Variants in USP24 observed in about 807,000 individuals in gnomAD.
USP24 encodes the protein ubiquitin carboxyl-terminal hydrolase 24.
Under a neutral mutation model 361.6 loss-of-function variants are expected in USP24, and 97 were observed. That is an observed-to-expected ratio of 0.27 (90% CI 0.23 to 0.32). The LOEUF (loss-of-function observed/expected upper bound fraction) is 0.32. Among genes scored for constraint, USP24 ranks in the 10% least tolerant of loss-of-function variants. The probability of loss-of-function intolerance (pLI) is 1.00; values close to 1 mark genes in which losing one functional copy is unlikely to be tolerated. For missense variants in USP24, 2,353 were observed against 3,165.6 expected, an observed-to-expected ratio of 0.74 and a Z score of 6.16; for synonymous variants, 1,098 against 1,124.6, an observed-to-expected ratio of 0.98 and a Z score of 0.47.
At chr1:55,124,409 A>G in intron 35 of USP24, 60 bp downstream of exon 35, 1 of 1,541,344 alleles carries the variant, frequency 6.5e-7, no homozygotes. Flanking sequence ...ACCTACACAC[A>G]GAATTCTTAT....
chr1:55,209,197 T>C (rs965259014), intron 1 of USP24, among the ~76,000 whole-genome samples: 1 of 152,236 alleles, frequency 6.6e-6, no homozygotes, highest in Non-Finnish European at 1.5e-5. Context: ...GTATCATGAC[T>C]GAAATGTCCT....
chr1:55,131,649 A>G (rs571800181), intron 31 of USP24, among the ~76,000 whole-genome samples: 39 of 152,318 alleles, frequency 2.6e-4, no homozygotes, highest in Non-Finnish European at 5.0e-4. Context: ...ACAAGCAACA[A>G]GTGGAGTGGG....
chr1:55,094,810 G>A (rs1288928884), intron 51 of USP24, among the ~76,000 whole-genome samples: 1 of 151,778 alleles, frequency 6.6e-6, no homozygotes, highest in African/African-American at 2.4e-5. Flanking sequence ...ACCAGCCTGG[G>A]CAACATTGGG....
intron 32 of USP24, among the ~76,000 whole-genome samples, chr1:55,126,895 T>C (rs774864418): frequency 1.3e-5 from 2 of 152,202 alleles, no homozygotes; most frequent in East Asian, 3.8e-4. Flanking sequence ...ATGGTATGCC[T>C]ACTTCTTTCT....
chr1:55,176,335 C>T, intron 3 of USP24, 41 bp downstream of exon 3: 1 of 1,528,846 alleles, frequency 6.5e-7, no homozygotes, highest in South Asian at 1.2e-5. Flanking sequence ...CTGCCCCCAC[C>T]CCGACACACA....
chr1:55,093,649 C>T, intron 52 of USP24: 2 of 273,156 alleles, frequency 7.3e-6, no homozygotes, highest in Non-Finnish European at 1.4e-5. Flanking sequence ...TTCTTTACTG[C>T]CCACTCCCCA....
intron 61 of USP24, 118 bp downstream of exon 61, chr1:55,078,420 G>A (rs1233702977): frequency 8.3e-6 from 5 of 601,480 alleles, no homozygotes; most frequent in Non-Finnish European, 1.3e-5. Context: ...ATACTAGAAT[G>A]ATTAGGAAAA....
intron 1 of USP24, among the ~76,000 whole-genome samples, chr1:55,181,723 C>G (rs1456875974): frequency 6.6e-6 from 1 of 152,142 alleles, no homozygotes; most frequent in Non-Finnish European, 1.5e-5. Flanking sequence ...AAAACTAGAG[C>G]CTCTTTGGTG....
chr1:55,153,030 TTAATAA>T (rs1339839615), intron 16 of USP24, among the ~76,000 whole-genome samples: 1 of 152,182 alleles, frequency 6.6e-6, no homozygotes, highest in Non-Finnish European at 1.5e-5. Flanking sequence ...TTTTCTTATG[TTAATAA>T]TAAAATGAAA....
Position 55,067,547 on chromosome 1 carries a change from A to AGAC in USP24, c.*1495_*1497dup, listed in dbSNP as rs923307469. On this transcript the variant is annotated 3_prime_UTR_variant, in exon 68 of 68. Coordinates refer to ENST00000294383, the MANE Select transcript of USP24 (RefSeq NM_015306.3). The stretch of plus-strand genomic sequence containing the variant: ...AAACCCTCACTGCCAGAGAATGAAA[A>AGAC]GACTGGGCCATGGCGAGAGCACAGT... 6.6e-6 allele frequency: 1 copy of AGAC among 152,252 alleles called. No homozygotes were observed. The highest frequency in any genetic ancestry group is 2.4e-5 in the African/African-American group (1 of 41,460). The allele number at this position is 152,252 out of a possible 1,614,324, so 9.4% of individuals were successfully genotyped here.
intron 64 of USP24, 170 bp from the exon 65 acceptor site, chr1:55,073,031 T>C (rs1418849179): frequency 3.2e-6 from 2 of 618,120 alleles, no homozygotes; most frequent in Non-Finnish European, 5.4e-6. Flanking sequence ...GAAATTACAA[T>C]TGCTTCCCCC....
intron 37 of USP24, among the ~76,000 whole-genome samples, 183 bp downstream of exon 37, chr1:55,121,253 A>G (rs1424407641): frequency 6.6e-6 from 1 of 152,212 alleles, no homozygotes; most frequent in Non-Finnish European, 1.5e-5. Context: ...TGGAGGAGGT[A>G]GTAGAAGGAA....
intron 21 of USP24, 72 bp downstream of exon 21, chr1:55,144,055 C>A: frequency 9.2e-7 from 1 of 1,084,926 alleles, no homozygotes. Flanking sequence ...AATTATAACA[C>A]TTTTTTTTTT....
At chr1:55,069,133 G>T in intron 67 of USP24, 26 bp from the exon 68 acceptor site, 1 of 1,613,300 alleles carries the variant, frequency 6.2e-7, no homozygotes, top group South Asian at 1.1e-5. Flanking sequence ...GGAAGTTAAA[G>T]TTCATACGGT....
chr1:55,092,148 G>A, intron 53 of USP24, 22 bp from the exon 54 acceptor site: 1 of 1,553,074 alleles, frequency 6.4e-7, no homozygotes, highest in Non-Finnish European at 8.8e-7. Flanking sequence ...AAACATGAAA[G>A]AGGATATTTT....
chr1:55,083,751 A>G, intron 57 of USP24, 21 bp downstream of exon 57: 1 of 1,530,772 alleles, frequency 6.5e-7, no homozygotes, highest in Non-Finnish European at 8.8e-7. Context: ...AGGAAAAGAT[A>G]TTAGGAAAAA....
At chr1:55,190,477 T>C (rs1644257487) in intron 1 of USP24, among the ~76,000 whole-genome samples, 1 of 152,174 alleles carries the variant, frequency 6.6e-6, no homozygotes, top group Admixed American at 6.5e-5. Flanking sequence ...AGAGAACACA[T>C]ACAAAGCAGC....
At position 55,123,544 on chromosome 1, in the gene USP24, A is replaced by G. The variant is rs199684027; in HGVS notation, c.4179T>C (p.Cys1393=). 7.7e-5 allele frequency: 124 copies of G among 1,602,186 alleles called. No homozygotes were observed. The highest frequency in any genetic ancestry group is 7.8e-5 in the Non-Finnish European group (92 of 1,174,348). ...GEPVALHAGI[C]VRQQSVSTKD... is the part of the protein sequence containing the mutation. ...TGGTGGATACAGACTGTTGTCGAAC[A>G]CAGATTCCCGCATGCAGGGCTACTG... is the stretch of plus-strand genomic sequence containing the variant. Residue 1393 remains cysteine, a synonymous_variant, in exon 36 of 68, where the codon TGT becomes TGC. Transcript: ENST00000294383.
At chr1:55,106,014 T>G in intron 41 of USP24, 132 bp downstream of exon 41, 1 of 753,806 alleles carries the variant, frequency 1.3e-6, no homozygotes, top group Non-Finnish European at 2.3e-6. Flanking sequence ...GTGCATTTCT[T>G]CATTTAGTGG....
Sources: gnomAD v4.1 joint callset for allele counts (sites outside exome capture counted in the v4.1 genomes callset) on GRCh38, gnomAD v4.1.1 for gene constraint, MANE v1.5 for transcripts, NCBI Gene and HGNC (gene_info 2026-07-23, HGNC 2026-07-21) for gene names.